The following ESPN variants were observed in gnomAD, a reference collection of about 807,000 sequenced individuals.
ESPN encodes the protein espin, also known as autosomal recessive deafness type 36 protein.
A neutral mutation model predicts 77.7 loss-of-function variants in ESPN; 68 were observed. The ratio of observed to expected loss-of-function variants is 0.87; its 90% CI spans 0.72 to 1.07. ESPN has a LOEUF of 1.07. Among genes scored for constraint, ESPN ranks in the 50% least tolerant of loss-of-function variants. ESPN has a pLI of 0.00. For synonymous variants in ESPN, 449 were observed against 567.1 expected (o/e 0.79, Z 2.96); for missense variants, 1,060 against 1,239.0 (o/e 0.86, Z 2.17).
At position 6,452,897 on chromosome 1, in the gene ESPN, A is replaced by ATTTTTATTT. The variant is rs1553169574; in HGVS notation, c.2325+806_2325+807insATTTTTTTT. Among the ~76,000 whole-genome samples the ATTTTTATTT allele has an allele frequency of 2.6e-4, 36 of 138,808 alleles. 1 individual carries two copies. In the South Asian group the frequency reaches 6.8e-3, roughly 26 times the overall value. 91.1% of individuals were successfully genotyped at this position (138,808 alleles called of 152,430 possible). A position where few individuals can be genotyped will look rare whatever the true frequency, so the allele number is the denominator to read the frequency against. On this transcript the variant is annotated intron_variant, in intron 10 of 12. Coordinates refer to ENST00000645284, the MANE Select transcript of ESPN (RefSeq NM_031475.3). The stretch of plus-strand genomic sequence containing the variant: ...TATTCCCCAAATGCCATTTATTTTT[A>ATTTTTATTT]TTTTTTATTTTTTGAGACAGGGTCT...
intron 10 of ESPN, among the ~76,000 whole-genome samples, chr1:6,453,498 G>T (rs1465747626): frequency 6.6e-6 from 1 of 152,218 alleles, no homozygotes; most frequent in Non-Finnish European, 1.5e-5. Flanking sequence ...CGAGTGAGGG[G>T]TGGCCAGGAG....
chr1:6,455,904 A>G (rs1260468535), intron 10 of ESPN: 1 of 398,934 alleles, frequency 2.5e-6, no homozygotes, highest in Non-Finnish European at 4.4e-6. Context: ...GGCGAAGGAA[A>G]AGGAAGAGGA....
At chr1:6,439,455 T>C (rs575247756) in intron 2 of ESPN, among the ~76,000 whole-genome samples, 3 of 152,334 alleles carry the variant, frequency 2.0e-5, no homozygotes, top group East Asian at 3.9e-4. Flanking sequence ...AAATCAGTTA[T>C]GGTCAACCAA....
chr1:6,425,195 C>G lies in ESPN; in HGVS notation c.240C>G (p.Thr80=), dbSNP rs1394364164. The change falls in exon 1 of 13, where the codon ACC becomes ACG. Residue 80 remains threonine, a synonymous_variant. Transcript: ENST00000645284. The part of the protein sequence containing the change: ...GATPAHDASA[T]GHLACLQWLL... ...CACCGGCCCACGACGCCTCCGCCAC[C>G]GGCCACCTCGCCTGCCTGCAGTGGC... The G allele has an allele frequency of 6.5e-7, 1 of 1,544,288 alleles. No individual in the cohort carries two copies. The highest frequency in any genetic ancestry group is 2.3e-4 in the Middle Eastern group (1 of 4,410).
Position 6,425,154 on chromosome 1 carries a change from G to A in ESPN, c.199G>A (p.Ala67Thr), listed in dbSNP as rs1482445090. 11 of 1,514,296 alleles carry A rather than the reference G, an allele frequency of 7.3e-6. 1 individual carries two copies. The East Asian group carries it at 2.6e-4, about 35-fold the overall frequency. 93.8% of individuals were successfully genotyped at this position (1,514,296 alleles called of 1,614,324 possible). ...EEAALPAAAR[A>T]RNGATPAHDA... is the part of the protein sequence containing the mutation. ...AGCCGCCCTCCCCGCCGCGGCCCGC[G>A]CCCGCAACGGCGCCACACCGGCCCA... Residue 67 changes from alanine (A) to threonine (T), a missense_variant, in exon 1 of 13, where the codon GCC (alanine) becomes ACC (threonine). Physicochemically the swap from Ala to Thr is moderately conservative, Grantham distance 58 (BLOSUM62 0). Around this residue, in one of 3 missense-constraint regions of ESPN, gnomAD observed 556 missense variants for 633.6 expected, o/e 0.88. Coordinates refer to ENST00000645284, the MANE Select transcript of ESPN (RefSeq NM_031475.3).
At chr1:6,441,701 GAGGCAAT>G (rs1643641733) in intron 5 of ESPN, among the ~76,000 whole-genome samples, 1 of 152,264 alleles carries the variant, frequency 6.6e-6, no homozygotes, top group Non-Finnish European at 1.5e-5. Flanking sequence ...TGCCTGCTAT[GAGGCAAT>G]AGGCAGGGAA....
chr1:6,454,664 G>A (rs1569743031), intron 10 of ESPN: 1 of 398,770 alleles, frequency 2.5e-6, no homozygotes, highest in Non-Finnish European at 4.4e-6. Context: ...CCGCCCTGTC[G>A]GCGCCGCGCT....
At chr1:6,442,203 T>C (rs758772652) in intron 5 of ESPN, among the ~76,000 whole-genome samples, 16 of 152,130 alleles carry the variant, frequency 1.1e-4, no homozygotes, top group Non-Finnish European at 2.2e-4. Flanking sequence ...ACACTATTCA[T>C]TGGATTCTGA....
Position 6,428,835 on chromosome 1 carries a change from C to A in ESPN, c.488+416C>A, listed in dbSNP as rs1250124483. Among the ~76,000 whole-genome samples the A allele has an allele frequency of 6.6e-6, 1 of 152,172 alleles. No homozygotes were observed. The highest frequency in any genetic ancestry group is 2.4e-5 in the African/African-American group (1 of 41,436). ...GCAGGAGCGCCTCCTAGGCCCTAGTCAAACAGGCAGAAAGGGAACCCCATC... is the reference window on the plus strand; with the variant it reads ...GCAGGAGCGCCTCCTAGGCCCTAGTAAAACAGGCAGAAAGGGAACCCCATC... On this transcript the variant is annotated intron_variant, in intron 2 of 12. Coordinates refer to ENST00000645284, the MANE Select transcript of ESPN (RefSeq NM_031475.3). This position sits in a 1 kb window ranked among gnomAD's most constrained non-coding sequence, Gnocchi z 5.4.
Position 6,425,164 on chromosome 1 carries a change from G to A in ESPN, c.209G>A (p.Gly70Asp). The A allele has an allele frequency of 1.3e-6, 2 of 1,529,528 alleles. No individual in the cohort carries two copies. The highest frequency in any genetic ancestry group is 2.4e-5 in the South Asian group (2 of 83,656). The allele number at this position is 1,529,528 out of a possible 1,614,324, so 94.7% of individuals were successfully genotyped here. The change falls in exon 1 of 13, where the codon GGC (glycine) becomes GAC (aspartate). Residue 70 changes from glycine to aspartate, a missense_variant. Coordinates refer to ENST00000645284, the MANE Select transcript of ESPN (RefSeq NM_031475.3). The stretch of plus-strand genomic sequence containing the variant: ...CCCGCCGCGGCCCGCGCCCGCAACG[G>A]CGCCACACCGGCCCACGACGCCTCC... ...ALPAAARARN[G>D]ATPAHDASAT... is the part of the protein sequence containing the mutation.
Position 6,444,187 on chromosome 1 carries a change from C to G in ESPN, c.991-294C>G, listed in dbSNP as rs776490337. Reference sequence around the variant, plus strand: ...AGGCCGATCTCCTGGCATTTCTCCCCTTGGGGTGCAGCTCAAGGGCCCCCT... The same window carrying G: ...AGGCCGATCTCCTGGCATTTCTCCCGTTGGGGTGCAGCTCAAGGGCCCCCT... On this transcript the variant is annotated intron_variant, in intron 5 of 12. Coordinates refer to ENST00000645284, the MANE Select transcript of ESPN (RefSeq NM_031475.3). 1.8e-4 allele frequency among the ~76,000 whole-genome samples: 28 copies of G among 152,210 alleles called. 1 individual carries two copies. Among genetic ancestry groups the G allele is most frequent in the Admixed American group, 3.9e-4 (6 of 15,292 alleles).
chr1:6,457,460 A>C, intron 12 of ESPN, 88 bp downstream of exon 12: 6 of 1,512,524 alleles, frequency 4.0e-6, no homozygotes, highest in Non-Finnish European at 5.5e-6. Flanking sequence ...ATTTGAGTAC[A>C]TCCTCCTGTC....
Position 6,448,805 on chromosome 1 carries a change from G to A in ESPN, c.1629G>A (p.Val543=). Residue 543 remains valine (V), a synonymous_variant, in exon 8 of 13, where the codon GTG becomes GTA. Coordinates refer to ENST00000645284, the MANE Select transcript of ESPN (RefSeq NM_031475.3). ...CGGGCATGGCGCACAGCGAGGAGGT[G>A]CGTGCCCGCCAGCCCGCGCGCGCCG... The part of the protein sequence containing the change: ...ARPGMAHSEE[V]RARQPARAGC... 7.7e-7 allele frequency: 1 copy of A among 1,295,702 alleles called. No homozygotes were observed. Among genetic ancestry groups the A allele is most frequent in the South Asian group, 2.5e-5 (1 of 39,950 alleles). The allele number at this position is 1,295,702 out of a possible 1,614,324, so 80.3% of individuals were successfully genotyped here.
chr1:6,459,641 A>G (rs1020777598), intron 12 of ESPN, among the ~76,000 whole-genome samples: 6 of 151,938 alleles, frequency 3.9e-5, no homozygotes, highest in Non-Finnish European at 7.4e-5. Context: ...TCAATACTTC[A>G]TATTGACAGC....
chr1:6,444,378 G>A, intron 5 of ESPN, 103 bp from the exon 6 acceptor site: 1 of 1,176,226 alleles, frequency 8.5e-7, no homozygotes, highest in South Asian at 1.3e-5. Flanking sequence ...GTGTGGCTTG[G>A]CCAAGATCCC....
intron 5 of ESPN, among the ~76,000 whole-genome samples, chr1:6,441,279 G>A (rs1346575930): frequency 6.6e-6 from 1 of 152,184 alleles, no homozygotes; most frequent in Non-Finnish European, 1.5e-5. Context: ...GAAGACCAGA[G>A]TCACCCCAAG....
chr1:6,440,329 C>T lies in ESPN; in HGVS notation c.564C>T (p.Thr188=). The change falls in exon 3 of 13, where the codon ACC becomes ACT. Residue 188 remains threonine, a synonymous_variant. Transcript: ENST00000645284. ...GCCAGGAGGGCCACCTGGAGGTGAC[C>T]CAGTACCTGGTGCAGGAATGCGGCG... ...LACQEGHLEV[T]QYLVQECGAD... The T allele has an allele frequency of 3.2e-6, 5 of 1,576,436 alleles. No individual in the cohort carries two copies. Among genetic ancestry groups the T allele is most frequent in the Non-Finnish European group, 4.3e-6 (5 of 1,161,184 alleles).
At chr1:6,452,796 C>T (rs1378841182) in intron 10 of ESPN, among the ~76,000 whole-genome samples, 2 of 152,258 alleles carry the variant, frequency 1.3e-5, no homozygotes, top group Non-Finnish European at 2.9e-5. Flanking sequence ...CTCATCCAGC[C>T]TCAGTTTCCT....
At chr1:6,438,478 C>G (rs1364352969) in intron 2 of ESPN, among the ~76,000 whole-genome samples, 4 of 152,252 alleles carry the variant, frequency 2.6e-5, no homozygotes, top group Admixed American at 2.6e-4. Flanking sequence ...CAAAGGCCCC[C>G]CTCTGGGCTG....
Sources: allele counts gnomAD v4.1 joint callset (sites outside exome capture counted in the v4.1 genomes callset), GRCh38; gene constraint gnomAD v4.1.1; regional missense constraint gnomAD v4.1.1; non-coding constraint Gnocchi (gnomAD v3.1); transcripts MANE v1.5; gene names NCBI Gene and HGNC (gene_info 2026-07-23, HGNC 2026-07-21).